Variants in PTPRD observed in about 807,000 individuals in gnomAD.
The protein encoded by PTPRD is protein tyrosine phosphatase receptor type D.
PTPRD carries 34 observed loss-of-function variants against 214.5 expected under a neutral mutation model. The ratio of observed to expected loss-of-function variants is 0.16; its 90% CI spans 0.12 to 0.21. PTPRD has a LOEUF of 0.21. Among genes scored for constraint, PTPRD ranks in the 10% least tolerant of loss-of-function variants. The pLI is 1.00. For missense variants in PTPRD, 2,545 were observed against 2,398.7 expected, an observed-to-expected ratio of 1.06 and a Z score of -1.27; for synonymous variants, 1,128 against 845.7, an observed-to-expected ratio of 1.33 and a Z score of -5.79.
chr9:10,508,226 C>G (rs1157538253), intron 2 of PTPRD, among the ~76,000 whole-genome samples: 1 of 152,116 alleles, frequency 6.6e-6, no homozygotes, highest in African/African-American at 2.4e-5. Flanking sequence ...CAGAGAAATG[C>G]AAATCAAAAC....
chr9:10,421,927 G>A (rs2098549498), intron 2 of PTPRD, among the ~76,000 whole-genome samples: 1 of 151,846 alleles, frequency 6.6e-6, no homozygotes, highest in Non-Finnish European at 1.5e-5. Flanking sequence ...AGTAGATCCA[G>A]ATATGAAATT....
At chr9:8,672,743 G>A (rs1397071878) in intron 12 of PTPRD, among the ~76,000 whole-genome samples, 3 of 149,332 alleles carry the variant, frequency 2.0e-5, no homozygotes, top group Non-Finnish European at 3.0e-5. Flanking sequence ...AATGGCAACT[G>A]ATTATGAAAT....
intron 10 of PTPRD, among the ~76,000 whole-genome samples, chr9:9,064,323 T>C (rs112600299): frequency 2.0e-5 from 3 of 152,286 alleles, no homozygotes; most frequent in African/African-American, 7.2e-5. Flanking sequence ...TATCATAGAA[T>C]AGTCTGTTGG....
chr9:10,553,188 C>T (rs1016803124), intron 2 of PTPRD, among the ~76,000 whole-genome samples: 1 of 152,036 alleles, frequency 6.6e-6, no homozygotes, highest in Admixed American at 6.5e-5. Context: ...CAGCACAGTC[C>T]CCACCCAGGC....
rs114938022 is a variant in PTPRD at position 10,520,914 on chromosome 9, C to T, written c.-600+91484G>A. Among the ~76,000 whole-genome samples, 720 of 151,314 alleles carry T rather than the reference C, an allele frequency of 4.8e-3. 9 individuals carry two copies. The highest frequency in any genetic ancestry group is 0.017 in the African/African-American group (685 of 41,214). On this transcript the variant is annotated intron_variant, in intron 2 of 45. Coordinates refer to ENST00000381196, the MANE Select transcript of PTPRD (RefSeq NM_002839.4). ...ACAGATTCCTTTCTAAATATGACTG[C>T]TTATTGACAATGCATCTAGTTGCCA...
At chr9:9,992,402 A>C (rs1190960859) in intron 4 of PTPRD, among the ~76,000 whole-genome samples, 1 of 152,206 alleles carries the variant, frequency 6.6e-6, no homozygotes, top group Non-Finnish European at 1.5e-5. Context: ...CGATTCCTCA[A>C]GGATCTAGAA....
chr9:9,645,296 G>T (rs2096117408), intron 7 of PTPRD, among the ~76,000 whole-genome samples: 1 of 152,074 alleles, frequency 6.6e-6, no homozygotes, highest in South Asian at 2.1e-4. Context: ...AGACAATAAT[G>T]CCTATTTCTC....
At chr9:9,239,654 G>A (rs1283160853) in intron 9 of PTPRD, among the ~76,000 whole-genome samples, 2 of 152,136 alleles carry the variant, frequency 1.3e-5, no homozygotes, top group African/African-American at 2.4e-5. Flanking sequence ...CCTGGATTTT[G>A]GGATCTGGGC....
intron 4 of PTPRD, among the ~76,000 whole-genome samples, chr9:10,023,248 T>C (rs1353663329): frequency 6.6e-6 from 1 of 152,190 alleles, no homozygotes; most frequent in Admixed American, 6.6e-5. Context: ...TAACCAATCA[T>C]TATAAATTAA....
chr9:9,929,029 T>C (rs2085384372), intron 5 of PTPRD, among the ~76,000 whole-genome samples: 1 of 152,170 alleles, frequency 6.6e-6, no homozygotes, highest in Non-Finnish European at 1.5e-5. Flanking sequence ...ACTTATATGC[T>C]CTGGTCTGTA....
rs2098868658 is a variant in PTPRD, at chr9:10,453,551, T to C, written c.-599-112534A>G. Among the ~76,000 whole-genome samples, 2 of 151,694 alleles carry C rather than the reference T, an allele frequency of 1.3e-5. 1 individual carries two copies. Among genetic ancestry groups the C allele is most frequent in the Admixed American group, 1.3e-4 (2 of 15,216 alleles). ...TAAATGTATTCCTAAGTATTTTATT[T>C]TTATAGCTCTTGCAAATGAGATTGC... On this transcript the variant is annotated intron_variant, in intron 2 of 45. Transcript: ENST00000381196.
At chr9:8,965,638 T>C (rs142260629) in intron 11 of PTPRD, among the ~76,000 whole-genome samples, 26 of 152,172 alleles carry the variant, frequency 1.7e-4, no homozygotes, top group East Asian at 3.9e-4. Context: ...GAAGATTCCT[T>C]AAAATCGTAA....
chr9:9,353,940 A>G (rs1023470272), intron 9 of PTPRD, among the ~76,000 whole-genome samples: 1 of 151,730 alleles, frequency 6.6e-6, no homozygotes, highest in African/African-American at 2.4e-5. Flanking sequence ...CTTTCAGGTT[A>G]TTGAAAAAAA....
At chr9:8,397,804 T>A (rs930583723) in intron 36 of PTPRD, among the ~76,000 whole-genome samples, 2 of 152,192 alleles carry the variant, frequency 1.3e-5, no homozygotes, top group Non-Finnish European at 2.9e-5. Context: ...CTTTCTCATC[T>A]TAAAGGTGCT....
chr9:8,707,094 AATCAATTAGCTTTATCCAAACT>A (rs1379812377), intron 12 of PTPRD, among the ~76,000 whole-genome samples: 1 of 152,234 alleles, frequency 6.6e-6, no homozygotes, highest in Non-Finnish European at 1.5e-5. Context: ...GCAAGCCTAC[AATCAATTAGCTTTATCCAAACT>A]TTCTATTTTG....
intron 2 of PTPRD, among the ~76,000 whole-genome samples, chr9:10,366,410 A>G (rs1044125117): frequency 3.3e-5 from 5 of 152,166 alleles, no homozygotes; most frequent in Non-Finnish European, 7.3e-5. Context: ...TTTGCACTAT[A>G]ACTCACATTG....
intron 2 of PTPRD, among the ~76,000 whole-genome samples, chr9:10,578,764 A>T (rs1451448493): frequency 1.3e-5 from 2 of 152,112 alleles, no homozygotes; most frequent in African/African-American, 4.8e-5. Context: ...TTGGGGGTAC[A>T]TGTGCAGATT....
At chr9:9,707,235 G>C (rs527694178) in intron 7 of PTPRD, among the ~76,000 whole-genome samples, 4 of 152,050 alleles carry the variant, frequency 2.6e-5, no homozygotes, top group African/African-American at 4.8e-5. Context: ...ATAATTATGG[G>C]TATTGTTAAT....
intron 11 of PTPRD, chr9:8,860,425 C>G (rs1299296813): frequency 6.6e-6 from 1 of 152,216 alleles, no homozygotes; most frequent in Non-Finnish European, 1.5e-5. Context: ...CTTGTCTCTA[C>G]TACAACCAAA....
Sources: gnomAD v4.1 joint callset for allele counts (sites outside exome capture counted in the v4.1 genomes callset) on GRCh38, gnomAD v4.1.1 for gene constraint, MANE v1.5 for transcripts, NCBI Gene and HGNC (gene_info 2026-07-23, HGNC 2026-07-21) for gene names.